The following CPLANE1 variants were observed in gnomAD, a reference collection of about 807,000 sequenced individuals.
CPLANE1 encodes ciliogenesis and planar polarity effector complex subunit 1, also known as ciliogenesis and planar polarity effector 1.
In CPLANE1, 263 loss-of-function variants were observed where a neutral mutation model predicts 362.5. That is an observed-to-expected ratio of 0.73 (90% CI 0.66 to 0.80). The LOEUF (loss-of-function observed/expected upper bound fraction) is 0.80, where lower values mean the gene tolerates loss of function less well. Among genes scored for constraint, CPLANE1 ranks in the 30% least tolerant of loss-of-function variants. The pLI, the probability that CPLANE1 is intolerant of heterozygous loss-of-function variation, is 0.00. For synonymous variants in CPLANE1, 1,212 were observed against 1,302.6 expected, an observed-to-expected ratio of 0.93 and a Z score of 1.50; for missense variants, 3,461 against 3,793.4, an observed-to-expected ratio of 0.91 and a Z score of 2.30.
rs1454812528 is a variant in CPLANE1 at position 37,138,765 on chromosome 5, G to C, written c.8747C>G (p.Ser2916Cys). The C allele has an allele frequency of 2.5e-5, 41 of 1,613,024 alleles. No individual in the cohort carries two copies. Among genetic ancestry groups the C allele is most frequent in the Non-Finnish European group, 2.8e-5 (33 of 1,179,570 alleles). Reference protein sequence around the residue: ...IDDLIIKDGVSSEELGLTEQA... With the variant: ...IDDLIIKDGVCSEELGLTEQA... ...TTCTGTTAAGCCAAGTTCTTCACTGGAAACTCCGTCTTTAATTATAAGGTC... is the reference window on the plus strand; with the variant it reads ...TTCTGTTAAGCCAAGTTCTTCACTGCAAACTCCGTCTTTAATTATAAGGTC... Residue 2916 changes from serine (S) to cysteine (C), a missense_variant, in exon 46 of 53, where the codon TCC becomes TGC. Around this residue, in one of 2 missense-constraint regions of CPLANE1, gnomAD observed 3,380 missense variants for 3,666.1 expected, o/e 0.92. Coordinates refer to ENST00000651892, the MANE Select transcript of CPLANE1 (RefSeq NM_001384732.1).
chr5:37,166,736 T>C (rs1373469467), intron 35 of CPLANE1, among the ~76,000 whole-genome samples: 1 of 152,168 alleles, frequency 6.6e-6, no homozygotes, highest in African/African-American at 2.4e-5. Context: ...CTACTGCATA[T>C]GGGATATTGT....
At chr5:37,089,858 A>C in the CPLANE1 span, among the ~76,000 whole-genome samples, 1 of 152,210 alleles carries the variant, frequency 6.6e-6, no homozygotes, top group African/African-American at 2.4e-5. Flanking sequence ...GCCATGTGTC[A>C]GTATCATGTA....
In CPLANE1 at chr5:37,164,281, A is replaced by G; in HGVS notation, c.7580T>C (p.Val2527Ala). 6.2e-7 allele frequency: 1 copy of G among 1,612,100 alleles called. No individual in the cohort carries two copies. The highest frequency in any genetic ancestry group is 8.5e-7 in the Non-Finnish European group (1 of 1,178,192). The change falls in exon 37 of 53, where the codon GTT (valine) becomes GCT (alanine). Residue 2527 changes from valine to alanine, a missense_variant. Val to Ala is a moderately conservative substitution (Grantham distance 64). This residue lies in a region of CPLANE1 where 3,380 missense variants were observed against 3,666.1 expected (regional missense o/e 0.92). Coordinates refer to ENST00000651892, the MANE Select transcript of CPLANE1 (RefSeq NM_001384732.1). Reference sequence around the variant, plus strand: ...ATCATACACATACATACCAAAAGGAACGTCGAAGTCATCCAAAGGATGGGA... The same window carrying G: ...ATCATACACATACATACCAAAAGGAGCGTCGAAGTCATCCAAAGGATGGGA... ...CGSHPLDDFD[V>A]PFEMLQDDNT...
intron 42 of CPLANE1, among the ~76,000 whole-genome samples, chr5:37,151,137 T>C (rs1773443271): frequency 6.6e-6 from 1 of 152,222 alleles, no homozygotes; most frequent in South Asian, 2.1e-4. Flanking sequence ...CTACCTCTAC[T>C]GCCAGATGTC....
chr5:37,206,262 C>G lies in CPLANE1; in HGVS notation c.3084G>C (p.Trp1028Cys). ...AVWLAYKLGD[W>C]KTSVSIGVAF... ...CCACACCAATTGAAACAGACGTCTTCCAGTCTCCAAGTTTATATGCCAACC... is the reference window on the plus strand; with the variant it reads ...CCACACCAATTGAAACAGACGTCTTGCAGTCTCCAAGTTTATATGCCAACC... The change falls in exon 17 of 53, where the codon TGG (tryptophan) becomes TGC (cysteine). Residue 1028 changes from tryptophan (W) to cysteine (C), a missense_variant. Physicochemically the swap from Trp to Cys is radical, Grantham distance 215 (BLOSUM62 -2). Transcript: ENST00000651892. The G allele has an allele frequency of 6.4e-7, 1 of 1,551,756 alleles. No homozygotes were observed. The highest frequency in any genetic ancestry group is 1.2e-5 in the South Asian group (1 of 84,054).
At chr5:37,173,585 G>A (rs1049941622) in intron 32 of CPLANE1, among the ~76,000 whole-genome samples, 170 bp downstream of exon 32, 11 of 152,128 alleles carry the variant, frequency 7.2e-5, no homozygotes, top group African/African-American at 2.4e-4. Context: ...GATTACAAAC[G>A]TGAGCCACTG....
At chr5:37,116,304 G>A (rs890546665) in intron 50 of CPLANE1, among the ~76,000 whole-genome samples, 1 of 151,936 alleles carries the variant, frequency 6.6e-6, no homozygotes, top group Non-Finnish European at 1.5e-5. Flanking sequence ...GGCCAACATG[G>A]TGAAACCCTG....
Position 37,107,590 on chromosome 5 carries a change from G to C in CPLANE1, c.*12C>G, listed in dbSNP as rs1272320860. 1 of 1,596,526 alleles carries C rather than the reference G, an allele frequency of 6.3e-7. No homozygotes were observed. Among genetic ancestry groups the C allele is most frequent in the Non-Finnish European group, 8.5e-7 (1 of 1,169,688 alleles). On this transcript the variant is annotated 3_prime_UTR_variant, in exon 53 of 53. Coordinates refer to ENST00000651892, the MANE Select transcript of CPLANE1 (RefSeq NM_001384732.1). ...GCTGGCCTGTGCATGGAAACCCAAT[G>C]ATATCCAGGTCTTACAGGTCCAGGG... is the stretch of plus-strand genomic sequence containing the variant.
chr5:37,201,574 T>A lies in CPLANE1; in HGVS notation c.3507+17A>T. 2 of 1,559,668 alleles carry A rather than the reference T, an allele frequency of 1.3e-6. No homozygotes were observed. The highest frequency in any genetic ancestry group is 1.4e-5 in the African/African-American group (1 of 73,214). ...ATCAACTTTAAATTAATTTAAAAGT[T>A]AATGCTATAAGCTTACTTCACTAAG... is the stretch of plus-strand genomic sequence containing the variant. On this transcript the variant is annotated intron_variant, in intron 19 of 52. Transcript: ENST00000651892.
chr5:37,105,470 T>C (rs1375984315), downstream of CPLANE1, among the ~76,000 whole-genome samples: 1 of 152,208 alleles, frequency 6.6e-6, no homozygotes, highest in Non-Finnish European at 1.5e-5. Context: ...TAGATGTCTA[T>C]TGCAGAAGAA....
intron 51 of CPLANE1, among the ~76,000 whole-genome samples, chr5:37,109,796 A>G (rs1333258910): frequency 6.6e-6 from 1 of 152,218 alleles, no homozygotes; most frequent in Non-Finnish European, 1.5e-5. Context: ...AGCTGGGATT[A>G]CAGGCATGCG....
rs775031677 is a variant in CPLANE1, at chr5:37,158,236, T to C, written c.7800A>G (p.Thr2600=). ...ATAAAACACAAACCAAGTTTGTTACTGTATGAGGTATTGAGGGTGACCAAG... is the reference window on the plus strand; with the variant it reads ...ATAAAACACAAACCAAGTTTGTTACCGTATGAGGTATTGAGGGTGACCAAG... ...EKPWSPSIPH[T]VTNLVGHTYI... Residue 2600 remains threonine, a synonymous_variant, in exon 39 of 53, where the codon ACA becomes ACG. Coordinates refer to ENST00000651892, the MANE Select transcript of CPLANE1 (RefSeq NM_001384732.1). 1.4e-5 allele frequency: 23 copies of C among 1,613,614 alleles called. No homozygotes were observed. Among genetic ancestry groups the C allele is most frequent in the Non-Finnish European group, 1.8e-5 (21 of 1,179,794 alleles).
At chr5:37,140,993 C>T (rs1369945187) in intron 44 of CPLANE1, 1 of 985,388 alleles carries the variant, frequency 1.0e-6, no homozygotes, top group South Asian at 4.7e-5. Flanking sequence ...CCTAGTTATA[C>T]CTTTGCCTTA....
chr5:37,209,279 G>C lies in CPLANE1; in HGVS notation c.2921-2854C>G, dbSNP rs2150179118. 1.4e-6 allele frequency: 1 copy of C among 728,044 alleles called. No homozygotes were observed. The highest frequency in any genetic ancestry group is 2.6e-5 in the East Asian group (1 of 38,978). The allele number at this position is 728,044 out of a possible 1,614,324, so 45.1% of individuals were successfully genotyped here. ...CTCTGGAGGGCAGGGATTCCCCCTC[G>C]TCTTGGCCCTACAGCCCCAGCTGGG... On this transcript the variant is annotated intron_variant, in intron 16 of 52. Coordinates refer to ENST00000651892, the MANE Select transcript of CPLANE1 (RefSeq NM_001384732.1). This position sits in a 1 kb window ranked among gnomAD's most constrained non-coding sequence, Gnocchi z 4.6.
At chr5:37,117,422 C>T (rs572363591) in intron 50 of CPLANE1, among the ~76,000 whole-genome samples, 1 of 151,708 alleles carries the variant, frequency 6.6e-6, no homozygotes, top group South Asian at 2.1e-4. Flanking sequence ...GCTTTAGCCA[C>T]CATTATCTCT....
intron 38 of CPLANE1, among the ~76,000 whole-genome samples, chr5:37,161,555 G>C (rs1054109313): frequency 6.6e-6 from 1 of 152,104 alleles, no homozygotes. Context: ...ATATGTTAAA[G>C]ATACACTCTA....
intron 32 of CPLANE1, 149 bp from the exon 33 acceptor site, chr5:37,170,480 G>T: frequency 2.4e-6 from 2 of 842,622 alleles, no homozygotes; most frequent in South Asian, 2.2e-5. Context: ...GGCAGTCAGG[G>T]AAATTTTTTT....
rs1472917516 is a variant in CPLANE1 at position 37,182,765 on chromosome 5, T to C, written c.5416A>G (p.Ile1806Val). The C allele has an allele frequency of 2.5e-6, 4 of 1,592,504 alleles. No homozygotes were observed. The highest frequency in any genetic ancestry group is 1.7e-4 in the Middle Eastern group (1 of 6,000). The change falls in exon 26 of 53, where the codon ATT (isoleucine) becomes GTT (valine). Residue 1806 changes from isoleucine (I) to valine (V), a missense_variant. This residue lies in a region of CPLANE1 where 3,380 missense variants were observed against 3,666.1 expected (regional missense o/e 0.92). Coordinates refer to ENST00000651892, the MANE Select transcript of CPLANE1 (RefSeq NM_001384732.1). ...FATYKAKNAI[I>V]KMVENRDTGC... ...TAAACAATTGATATGCTTACCTTAA[T>C]AATGGCATTTTTTGCCTTATATGTA... is the stretch of plus-strand genomic sequence containing the variant.
At chr5:37,230,158 A>G (rs747878848) in intron 9 of CPLANE1, among the ~76,000 whole-genome samples, 31 of 151,774 alleles carry the variant, frequency 2.0e-4, no homozygotes, top group Non-Finnish European at 3.4e-4. Context: ...CTGGGCAACA[A>G]GAGCGAAACT....
Sources: allele counts gnomAD v4.1 joint callset (sites outside exome capture counted in the v4.1 genomes callset), GRCh38; gene constraint gnomAD v4.1.1; regional missense constraint gnomAD v4.1.1; non-coding constraint Gnocchi (gnomAD v3.1); transcripts MANE v1.5; gene names NCBI Gene and HGNC (gene_info 2026-07-23, HGNC 2026-07-21).